The following DLG2 variants were observed in gnomAD, a reference collection of about 807,000 sequenced individuals.
The protein encoded by DLG2 is discs large MAGUK scaffold protein 2, also known as disks large homolog 2.
Under a neutral mutation model 132.5 loss-of-function variants are expected in DLG2, and 45 were observed. The ratio of observed to expected loss-of-function variants is 0.34; its 90% CI spans 0.27 to 0.44. DLG2 has a LOEUF of 0.44. Among genes scored for constraint, DLG2 ranks in the 20% least tolerant of loss-of-function variants. The pLI is 1.00. For missense variants in DLG2, 1,045 were observed against 1,196.9 expected, an observed-to-expected ratio of 0.87 and a Z score of 1.87; for synonymous variants, 424 against 419.6, an observed-to-expected ratio of 1.01 and a Z score of -0.13.
At chr11:83,734,846 A>G (rs1249458078) in intron 18 of DLG2, among the ~76,000 whole-genome samples, 1 of 152,016 alleles carries the variant, frequency 6.6e-6, no homozygotes, top group Non-Finnish European at 1.5e-5. Context: ...TTGTTTAATT[A>G]TGTGTGCCTA....
chr11:84,420,637 C>G (rs1255584137), intron 7 of DLG2, among the ~76,000 whole-genome samples: 1 of 132,438 alleles, frequency 7.6e-6, no homozygotes, highest in Non-Finnish European at 1.6e-5. Context: ...GCACAGTGAC[C>G]AATGCTTGTT....
intron 7 of DLG2, among the ~76,000 whole-genome samples, chr11:84,382,636 G>T (rs1245927365): frequency 6.6e-6 from 1 of 152,046 alleles, no homozygotes; most frequent in Non-Finnish European, 1.5e-5. Context: ...ATAACCATTT[G>T]TCCTTAAATA....
At chr11:85,319,109 T>C (rs1202937951) in intron 3 of DLG2, among the ~76,000 whole-genome samples, 1 of 151,900 alleles carries the variant, frequency 6.6e-6, no homozygotes, top group African/African-American at 2.4e-5. Context: ...TGGTTCTTTT[T>C]ATACATCCCT....
At position 85,313,773 on chromosome 11, in the gene DLG2, C is replaced by CT. The variant is rs201065222; in HGVS notation, c.41-28409dup. Among the ~76,000 whole-genome samples, 795 of 151,154 alleles carry CT rather than the reference C, an allele frequency of 5.3e-3. 4 individuals are homozygous for CT. Among genetic ancestry groups the CT allele is most frequent in the African/African-American group, 0.018 (740 of 41,316 alleles). ...AATATGTAAAAGTTTATGTATCTCT[C>CT]TTTTTTTTTATTCAGCAGTTAAAAA... On this transcript the variant is annotated intron_variant, in intron 3 of 27. Coordinates refer to ENST00000376104, the MANE Select transcript of DLG2 (RefSeq NM_001142699.3).
At chr11:84,847,293 G>A (rs142586484) in intron 6 of DLG2, among the ~76,000 whole-genome samples, 2 of 152,178 alleles carry the variant, frequency 1.3e-5, no homozygotes, top group Non-Finnish European at 1.5e-5. Flanking sequence ...AGAGGCTAGA[G>A]AAAAGGTTGT....
At chr11:84,184,921 TTC>T (rs1267307141) in intron 8 of DLG2, among the ~76,000 whole-genome samples, 3 of 152,220 alleles carry the variant, frequency 2.0e-5, no homozygotes, top group East Asian at 1.9e-4. Flanking sequence ...TTCTGTTCCA[TTC>T]GTCTATATCT....
At chr11:83,888,354 C>T (rs2068595339) in intron 15 of DLG2, among the ~76,000 whole-genome samples, 1 of 152,022 alleles carries the variant, frequency 6.6e-6, no homozygotes, top group Admixed American at 6.6e-5. Flanking sequence ...TTCACAATTG[C>T]TTCAAAGAGA....
intron 14 of DLG2, 34 bp downstream of exon 14, chr11:83,962,851 G>A: frequency 1.9e-6 from 3 of 1,609,546 alleles, no homozygotes; most frequent in Non-Finnish European, 8.5e-7. Context: ...CTGGTAATAA[G>A]AGCAAATCCA....
At chr11:84,966,176 T>C (rs1360220329) in intron 6 of DLG2, among the ~76,000 whole-genome samples, 1 of 151,804 alleles carries the variant, frequency 6.6e-6, no homozygotes, top group Non-Finnish European at 1.5e-5. Context: ...GTAGTAGATC[T>C]ATCTATCTAT....
intron 19 of DLG2, among the ~76,000 whole-genome samples, chr11:83,563,197 G>A (rs1259012703): frequency 6.6e-6 from 1 of 151,608 alleles, no homozygotes; most frequent in East Asian, 1.9e-4. Flanking sequence ...CAGGATGGTC[G>A]CGATCTCCTG....
chr11:83,558,137 A>G (rs1003039950), intron 19 of DLG2, among the ~76,000 whole-genome samples: 10 of 152,170 alleles, frequency 6.6e-5, no homozygotes, highest in African/African-American at 2.4e-4. Context: ...AACTGGCTCT[A>G]GTTGTAGTCC....
chr11:83,819,186 T>C (rs894054830), intron 17 of DLG2, among the ~76,000 whole-genome samples: 3 of 152,042 alleles, frequency 2.0e-5, no homozygotes, highest in Non-Finnish European at 4.4e-5. Flanking sequence ...AAGAAAAATG[T>C]AGGCCAGGTG....
At chr11:85,140,063 C>T (rs2076368099) in intron 5 of DLG2, among the ~76,000 whole-genome samples, 1 of 151,984 alleles carries the variant, frequency 6.6e-6, no homozygotes, top group Non-Finnish European at 1.5e-5. Context: ...TATCCATTCA[C>T]CCACTGACAA....
chr11:85,176,789 T>C (rs77226408), intron 4 of DLG2, among the ~76,000 whole-genome samples: 1,817 of 152,136 alleles, frequency 0.012, 29 homozygotes, highest in African/African-American at 0.04. Flanking sequence ...AATTAAAAAG[T>C]AGGCAAAGGA....
At chr11:84,990,417 G>A (rs918213569) in intron 6 of DLG2, among the ~76,000 whole-genome samples, 4 of 152,090 alleles carry the variant, frequency 2.6e-5, no homozygotes, top group Non-Finnish European at 4.4e-5. Flanking sequence ...GAGTCTGTTT[G>A]GCCCCTTTTT....
intron 11 of DLG2, among the ~76,000 whole-genome samples, chr11:84,034,946 T>C (rs1162704783): frequency 6.6e-6 from 1 of 152,124 alleles, no homozygotes; most frequent in Non-Finnish European, 1.5e-5. Flanking sequence ...AATGCAAGCT[T>C]TTCTTTCTCT....
intron 3 of DLG2, among the ~76,000 whole-genome samples, chr11:85,426,788 A>G (rs1047539993): frequency 5.9e-5 from 9 of 152,250 alleles, no homozygotes; most frequent in Admixed American, 3.3e-4. Flanking sequence ...AATGACTTCA[A>G]TGAGTTGAGA....
At chr11:84,752,441 G>C (rs929214116) in intron 6 of DLG2, among the ~76,000 whole-genome samples, 3 of 152,098 alleles carry the variant, frequency 2.0e-5, no homozygotes, top group Non-Finnish European at 4.4e-5. Flanking sequence ...TAAGAAGAGA[G>C]AGTAGAAGGA....
intron 6 of DLG2, among the ~76,000 whole-genome samples, chr11:84,880,095 G>A (rs1368353314): frequency 6.6e-6 from 1 of 152,126 alleles, no homozygotes; most frequent in African/African-American, 2.4e-5. Flanking sequence ...AAGAGATGAT[G>A]TAGTAGTCAT....
Sources: allele counts gnomAD v4.1 joint callset (sites outside exome capture counted in the v4.1 genomes callset), GRCh38; gene constraint gnomAD v4.1.1; transcripts MANE v1.5; gene names NCBI Gene and HGNC (gene_info 2026-07-23, HGNC 2026-07-21).